Variants in PLCB1 observed in about 807,000 individuals in gnomAD.
PLCB1 encodes the protein 1-phosphatidylinositol 4,5-bisphosphate phosphodiesterase beta-1.
PLCB1 carries 46 observed loss-of-function variants against 161.8 expected under a neutral mutation model. The observed-to-expected ratio is 0.28, with a 90% CI of 0.22 to 0.36. The LOEUF is 0.36. Ranked by LOEUF, PLCB1 falls within the 10% of genes least tolerant of loss-of-function variation. The probability of loss-of-function intolerance (pLI) is 1.00; values close to 1 mark genes in which losing one functional copy is unlikely to be tolerated. For synonymous variants in PLCB1, 517 were observed against 503.7 expected, an observed-to-expected ratio of 1.03 and a Z score of -0.35; for missense variants, 1,016 against 1,472.5, an observed-to-expected ratio of 0.69 and a Z score of 5.07.
At chr20:8,359,364 AT>A (rs1568645542) in intron 2 of PLCB1, among the ~76,000 whole-genome samples, 1 of 152,038 alleles carries the variant, frequency 6.6e-6, no homozygotes, top group African/African-American at 2.4e-5. Context: ...TTTTTTTATT[AT>A]TTTAATGAAA....
At chr20:8,386,038 G>C (rs1441188110) in intron 3 of PLCB1, among the ~76,000 whole-genome samples, 3 of 152,156 alleles carry the variant, frequency 2.0e-5, no homozygotes, top group African/African-American at 4.8e-5. Context: ...AATAATTATT[G>C]TCCTCTAGCA....
At chr20:8,551,312 C>T (rs1239206114) in intron 3 of PLCB1, among the ~76,000 whole-genome samples, 1 of 152,168 alleles carries the variant, frequency 6.6e-6, no homozygotes, top group Non-Finnish European at 1.5e-5. Context: ...TCAAAGAGAG[C>T]ACATAGCCTC....
chr20:8,762,019 T>A (rs1160550703), intron 25 of PLCB1, among the ~76,000 whole-genome samples: 1 of 151,116 alleles, frequency 6.6e-6, no homozygotes, highest in African/African-American at 2.4e-5. Context: ...GAGACCAGCC[T>A]GACCAACATG....
intron 3 of PLCB1, among the ~76,000 whole-genome samples, chr20:8,558,955 G>A (rs1209860684): frequency 1.3e-5 from 2 of 151,812 alleles, no homozygotes; most frequent in Admixed American, 6.6e-5. Flanking sequence ...ATGCCTTCAG[G>A]ATGTAATGTC....
chr20:8,319,989 A>G (rs1984834959), intron 2 of PLCB1, among the ~76,000 whole-genome samples: 1 of 152,134 alleles, frequency 6.6e-6, no homozygotes, highest in Non-Finnish European at 1.5e-5. Flanking sequence ...TAAAACTTAA[A>G]GTATAATAAT....
chr20:8,154,086 G>T (rs1018145197), intron 2 of PLCB1, among the ~76,000 whole-genome samples: 1 of 152,058 alleles, frequency 6.6e-6, no homozygotes, highest in East Asian at 1.9e-4. Context: ...TTGTGCATGT[G>T]TAACTATGGA....
At chr20:8,679,485 A>G (rs913834580) in intron 9 of PLCB1, among the ~76,000 whole-genome samples, 9 of 152,186 alleles carry the variant, frequency 5.9e-5, no homozygotes, top group African/African-American at 1.9e-4. Context: ...GGGCCTTTGT[A>G]TGCATTTGCA....
At chr20:8,693,320 C>T (rs1183954858) in intron 10 of PLCB1, among the ~76,000 whole-genome samples, 1 of 152,184 alleles carries the variant, frequency 6.6e-6, no homozygotes, top group Non-Finnish European at 1.5e-5. Context: ...GACACTTTGT[C>T]TCCTAAGCCA....
At chr20:8,206,921 A>G (rs1480240696) in intron 2 of PLCB1, among the ~76,000 whole-genome samples, 1 of 152,148 alleles carries the variant, frequency 6.6e-6, no homozygotes, top group Non-Finnish European at 1.5e-5. Context: ...CATGAGAAAT[A>G]AATTTTTAAA....
At chr20:8,681,445 T>C (rs1990218659) in intron 9 of PLCB1, among the ~76,000 whole-genome samples, 1 of 152,164 alleles carries the variant, frequency 6.6e-6, no homozygotes, top group South Asian at 2.1e-4. Flanking sequence ...TATGTTGTTG[T>C]TTTTTCTTGC....
At chr20:8,240,059 A>G (rs1011363078) in intron 2 of PLCB1, among the ~76,000 whole-genome samples, 5 of 152,006 alleles carry the variant, frequency 3.3e-5, no homozygotes, top group Admixed American at 1.3e-4. Flanking sequence ...TCTATTAAAC[A>G]TAGAACTGGG....
At chr20:8,175,331 A>G (rs1373457618) in intron 2 of PLCB1, among the ~76,000 whole-genome samples, 1 of 152,174 alleles carries the variant, frequency 6.6e-6, no homozygotes, top group Admixed American at 6.5e-5. Flanking sequence ...GAGAACCTAG[A>G]TATAGACCCA....
intron 3 of PLCB1, among the ~76,000 whole-genome samples, chr20:8,438,743 A>G (rs1980418858): frequency 6.6e-6 from 1 of 152,170 alleles, no homozygotes; most frequent in Non-Finnish European, 1.5e-5. Flanking sequence ...CATTGGGTTC[A>G]GGTCTTTGCC....
At chr20:8,406,923 G>A (rs1978811395) in intron 3 of PLCB1, among the ~76,000 whole-genome samples, 1 of 152,156 alleles carries the variant, frequency 6.6e-6, no homozygotes, top group Non-Finnish European at 1.5e-5. Flanking sequence ...GAGATGTGGT[G>A]TTTCAGAGTA....
intron 3 of PLCB1, among the ~76,000 whole-genome samples, chr20:8,376,629 T>TA: frequency 6.6e-6 from 1 of 152,206 alleles, no homozygotes; most frequent in Non-Finnish European, 1.5e-5. Flanking sequence ...AACTGGGTCT[T>TA]AAAAAAGAAA....
rs1181640421 is a variant in PLCB1 at position 8,684,996 on chromosome 20, T to C, written c.927T>C (p.Pro309=). ...GAGAAGAAAACGGAGTCGTTTCACC[T>C]GAGAAACTGGATTTGAATGAAGACA... is the stretch of plus-strand genomic sequence containing the variant. The part of the protein sequence containing the change: ...LSGEENGVVS[P]EKLDLNEDMS... Residue 309 remains proline, a synonymous_variant, in exon 10 of 32, where the codon CCT becomes CCC. Transcript: ENST00000338037. 1.3e-6 allele frequency: 2 copies of C among 1,595,022 alleles called. No individual in the cohort carries two copies. Among genetic ancestry groups the C allele is most frequent in the South Asian group, 1.1e-5 (1 of 90,792 alleles).
intron 3 of PLCB1, among the ~76,000 whole-genome samples, chr20:8,595,548 C>A (rs1179370255): frequency 1.5e-5 from 2 of 137,418 alleles, no homozygotes; most frequent in African/African-American, 2.7e-5. Context: ...GTGAATAATG[C>A]CACAATAAAC....
rs1875769129 is a variant in PLCB1 at position 8,371,176 on chromosome 20, A to G, written c.178-206A>G. On this transcript the variant is annotated intron_variant, in intron 2 of 31. Coordinates refer to ENST00000338037, the MANE Select transcript of PLCB1 (RefSeq NM_015192.4). ...TAACCACACACTTTTTGCTTTCAAA[A>G]TGTATAACTGAGCAGTTAGCAGTTA... 4 of 527,530 alleles carry G rather than the reference A, an allele frequency of 7.6e-6. No homozygotes were observed. The South Asian group carries it at 8.2e-5, about 11-fold the overall frequency. 32.7% of individuals were successfully genotyped at this position (527,530 alleles called of 1,614,324 possible).
intron 3 of PLCB1, among the ~76,000 whole-genome samples, chr20:8,520,672 A>T (rs537749591): frequency 1.3e-5 from 2 of 152,146 alleles, no homozygotes; most frequent in Non-Finnish European, 2.9e-5. Flanking sequence ...TAACCACTCC[A>T]CGACTAAAGG....
Sources: gnomAD v4.1 joint callset for allele counts (sites outside exome capture counted in the v4.1 genomes callset) on GRCh38, gnomAD v4.1.1 for gene constraint, MANE v1.5 for transcripts, NCBI Gene and HGNC (gene_info 2026-07-23, HGNC 2026-07-21) for gene names.